BIN1: variants seen among roughly 807,000 people sequenced by gnomAD.
BIN1 encodes myc box-dependent-interacting protein 1.
Under a neutral mutation model 82.0 loss-of-function variants are expected in BIN1, and 53 were observed. That is an observed-to-expected ratio of 0.65 (90% CI 0.52 to 0.81). BIN1 has a LOEUF of 0.81. Among genes scored for constraint, BIN1 ranks in the 40% least tolerant of loss-of-function variants. The pLI is 0.00. For synonymous variants in BIN1, 302 were observed against 328.0 expected (o/e 0.92, Z 0.86); for missense variants, 642 against 784.4 (o/e 0.82, Z 2.17).
At chr2:127,049,277 G>A (rs1270709789) in intron 18 of BIN1, among the ~76,000 whole-genome samples, 2 of 152,202 alleles carry the variant, frequency 1.3e-5, no homozygotes, top group Non-Finnish European at 1.5e-5. Context: ...AGCAGCCCCA[G>A]GCCAATTCTC....
In BIN1 at chr2:127,090,249, G is replaced by T. The variant is rs575378967; in HGVS notation, c.85-13543C>A. On this transcript the variant is annotated intron_variant, in intron 1 of 18. Transcript: ENST00000316724. The surrounding 1 kb of genome is among the most constrained non-coding windows in gnomAD (Gnocchi z 6.4). Reference sequence around the variant, plus strand: ...CCCCATGGAAATCAACCAAACAGCTGAAGACAGTGGCCATCGCAGCAAGGC... The same window carrying T: ...CCCCATGGAAATCAACCAAACAGCTTAAGACAGTGGCCATCGCAGCAAGGC... Among the ~76,000 whole-genome samples, 4 of 152,234 alleles carry T rather than the reference G, an allele frequency of 2.6e-5. No homozygotes were observed. The highest frequency in any genetic ancestry group is 5.9e-5 in the Non-Finnish European group (4 of 68,032).
intron 7 of BIN1, among the ~76,000 whole-genome samples, chr2:127,065,829 C>T (rs999855514): frequency 1.3e-5 from 2 of 152,186 alleles, no homozygotes; most frequent in African/African-American, 2.4e-5. Context: ...AGTCAGGACC[C>T]GTGTCTTGTA....
intron 2 of BIN1, among the ~76,000 whole-genome samples, chr2:127,071,909 G>A (rs1287394845): frequency 6.6e-6 from 1 of 152,240 alleles, no homozygotes; most frequent in African/African-American, 2.4e-5. Flanking sequence ...GCAGGCCTCA[G>A]GAGATGGCCT....
chr2:127,067,395 T>C lies in BIN1; in HGVS notation c.612+768A>G, dbSNP rs1685283782. Among the ~76,000 whole-genome samples the C allele has an allele frequency of 6.6e-6, 1 of 152,156 alleles. No homozygotes were observed. The highest frequency in any genetic ancestry group is 1.5e-5 in the Non-Finnish European group (1 of 68,014). ...GGTCCCTGGCCACACTGTAACCCAT[T>C]TGGAGGGCAGGGGGCTGAGAAGACC... On this transcript the variant is annotated intron_variant, in intron 7 of 18. Coordinates refer to ENST00000316724, the MANE Select transcript of BIN1 (RefSeq NM_139343.3). This position sits in a 1 kb window ranked among gnomAD's most constrained non-coding sequence, Gnocchi z 4.7.
At position 127,090,166 on chromosome 2, in the gene BIN1, C is replaced by T. The variant is rs1678733932; in HGVS notation, c.85-13460G>A. ...TCCTTGCCTGCAGCTCTGCAAGGAC[C>T]CTGCAAGCCACCCCATTACGCTGGG... On this transcript the variant is annotated intron_variant, in intron 1 of 18. Transcript: ENST00000316724. The surrounding 1 kb of genome is among the most constrained non-coding windows in gnomAD (Gnocchi z 6.4). Among the ~76,000 whole-genome samples, 1 of 152,286 alleles carries T rather than the reference C, an allele frequency of 6.6e-6. No individual in the cohort carries two copies. The highest frequency in any genetic ancestry group is 1.5e-5 in the Non-Finnish European group (1 of 68,014).
At chr2:127,069,803 A>G (rs1266877976) in intron 5 of BIN1, among the ~76,000 whole-genome samples, 192 bp downstream of exon 5, 1 of 152,152 alleles carries the variant, frequency 6.6e-6, no homozygotes, top group African/African-American at 2.4e-5. Flanking sequence ...TGAGACCCAA[A>G]GGGACAGGAA....
At position 127,067,972 on chromosome 2, in the gene BIN1, C is replaced by A. The variant is rs374125976; in HGVS notation, c.612+191G>T. Among the ~76,000 whole-genome samples, 4 of 152,156 alleles carry A rather than the reference C, an allele frequency of 2.6e-5. No homozygotes were observed. The East Asian group carries it at 7.7e-4, about 29-fold the overall frequency. ...GCCCCCACCCAGGTCACACAGAGCC[C>A]CTCAGCCGGTTCTTTGACCCCTACA... is the stretch of plus-strand genomic sequence containing the variant. On this transcript the variant is annotated intron_variant, in intron 7 of 18. Transcript: ENST00000316724. This position sits in a 1 kb window ranked among gnomAD's most constrained non-coding sequence, Gnocchi z 4.7.
intron 8 of BIN1, 92 bp downstream of exon 8, chr2:127,063,841 C>A: frequency 1.9e-6 from 3 of 1,540,338 alleles, no homozygotes; most frequent in Non-Finnish European, 2.7e-6. Context: ...CACCGCAGCA[C>A]GCAGGCTGGG....
intron 1 of BIN1, chr2:127,081,962 C>G: frequency 8.7e-7 from 1 of 1,145,400 alleles, no homozygotes; most frequent in Non-Finnish European, 1.1e-6. Context: ...CCCTCGTGCC[C>G]CGGCGTTCTC....
rs1261003085 is a variant in BIN1, at chr2:127,082,345, G to C, written c.85-5639C>G. ...TCATGCTCCAGGGGCCCCTGCAGGG[G>C]AGACAGAGGGCAGGATGGCCAGCTG... On this transcript the variant is annotated intron_variant, in intron 1 of 18. Coordinates refer to ENST00000316724, the MANE Select transcript of BIN1 (RefSeq NM_139343.3). The surrounding 1 kb of genome is among the most constrained non-coding windows in gnomAD (Gnocchi z 6.1). Among the ~76,000 whole-genome samples the C allele has an allele frequency of 2.0e-5, 3 of 152,208 alleles. No individual in the cohort carries two copies. The East Asian group carries it at 5.8e-4, about 29-fold the overall frequency.
chr2:127,070,583 G>T lies in BIN1; in HGVS notation c.285C>A (p.Pro95=), dbSNP rs377467117. The T allele has an allele frequency of 1.9e-6, 3 of 1,614,046 alleles. No individual in the cohort carries two copies. The Admixed American group carries it at 5.0e-5, about 27-fold the overall frequency. ...CLQEVYEPDW[P]GRDEANKIAE... ...CGATCTTGTTTGCCTCATCCCTGCC[G>T]GGCCAATCGGGCTCATACACCTCCT... The change falls in exon 4 of 19, where the codon CCC becomes CCA. Residue 95 remains proline (P), a synonymous_variant. Coordinates refer to ENST00000316724, the MANE Select transcript of BIN1 (RefSeq NM_139343.3).
chr2:127,105,852 C>A (rs1681048131), intron 1 of BIN1, among the ~76,000 whole-genome samples: 1 of 152,246 alleles, frequency 6.6e-6, no homozygotes, highest in Non-Finnish European at 1.5e-5. Flanking sequence ...TGGGGGGCCA[C>A]CCTGGCAGAA....
Position 127,068,255 on chromosome 2 carries a change from G to T in BIN1, c.520C>A (p.Pro174Thr). ...KKKDEAKIAKPVSLLEKAAPQ... is the reference protein window; with the variant it reads ...KKKDEAKIAKTVSLLEKAAPQ... ...GCGGCTTTCTCAAGCAGCGAGACAGGCTGGGGTGGGGAGGTCAAGGCAAAG... is the reference window on the plus strand; with the variant it reads ...GCGGCTTTCTCAAGCAGCGAGACAGTCTGGGGTGGGGAGGTCAAGGCAAAG... Residue 174 changes from proline to threonine, a missense_variant and splice_region_variant, in exon 7 of 19, where the codon CCT becomes ACT. Coordinates refer to ENST00000316724, the MANE Select transcript of BIN1 (RefSeq NM_139343.3). This position sits in a 1 kb window ranked among gnomAD's most constrained non-coding sequence, Gnocchi z 4.9. The T allele has an allele frequency of 6.2e-7, 1 of 1,611,634 alleles. No individual in the cohort carries two copies.
At chr2:127,050,279 G>A (rs1229850860) in intron 18 of BIN1, 142 bp downstream of exon 18, 16 of 793,706 alleles carry the variant, frequency 2.0e-5, no homozygotes, top group South Asian at 1.4e-4. Flanking sequence ...CGTGGAGGGC[G>A]GGGAGGAGCA....
rs1475948295 is a variant in BIN1, at chr2:127,090,591, C to T, written c.85-13885G>A. 6.6e-6 allele frequency among the ~76,000 whole-genome samples: 1 copy of T among 152,224 alleles called. No individual in the cohort carries two copies. The highest frequency in any genetic ancestry group is 1.5e-5 in the Non-Finnish European group (1 of 68,036). ...GTGGAATCTGCTTCTCCAGCCCACC[C>T]GCCTCCCACCCTCATCACCTGCTTC... On this transcript the variant is annotated intron_variant, in intron 1 of 18. Coordinates refer to ENST00000316724, the MANE Select transcript of BIN1 (RefSeq NM_139343.3). The surrounding 1 kb of genome is among the most constrained non-coding windows in gnomAD (Gnocchi z 6.4).
chr2:127,069,638 G>T (rs1685606724), intron 5 of BIN1, among the ~76,000 whole-genome samples: 3 of 152,042 alleles, frequency 2.0e-5, no homozygotes, highest in Admixed American at 1.3e-4. Context: ...AGCACCCATG[G>T]TGTAAACACA....
intron 18 of BIN1, among the ~76,000 whole-genome samples, chr2:127,050,028 G>A (rs1312584771): frequency 2.0e-5 from 3 of 152,230 alleles, no homozygotes. Context: ...GCACCTTGTG[G>A]GCGGGGCAGG....
intron 2 of BIN1, among the ~76,000 whole-genome samples, chr2:127,073,187 A>C (rs1686135555): frequency 6.6e-6 from 1 of 152,184 alleles, no homozygotes; most frequent in Non-Finnish European, 1.5e-5. Flanking sequence ...CCCTGTGCCC[A>C]CTGCAGCTGG....
At chr2:127,085,550 C>T (rs1000915844) in intron 1 of BIN1, among the ~76,000 whole-genome samples, 2 of 152,124 alleles carry the variant, frequency 1.3e-5, no homozygotes, top group African/African-American at 2.4e-5. Context: ...GGAGGAACCA[C>T]GAAGAAGCCA....
Sources: allele counts gnomAD v4.1 joint callset (sites outside exome capture counted in the v4.1 genomes callset), GRCh38; gene constraint gnomAD v4.1.1; non-coding constraint Gnocchi (gnomAD v3.1); transcripts MANE v1.5; gene names NCBI Gene and HGNC (gene_info 2026-07-23, HGNC 2026-07-21).